The following PTBP3 variants were observed in gnomAD, a reference collection of about 807,000 sequenced individuals.
PTBP3 encodes polypyrimidine tract binding protein 3.
A neutral mutation model predicts 58.7 loss-of-function variants in PTBP3; 20 were observed. That is an observed-to-expected ratio of 0.34 (90% CI 0.24 to 0.50). The LOEUF (loss-of-function observed/expected upper bound fraction) is 0.50, where lower values mean the gene tolerates loss of function less well. Ranked by LOEUF, PTBP3 falls within the 20% of genes least tolerant of loss-of-function variation. The pLI is 0.98. For synonymous variants in PTBP3, 185 were observed against 219.8 expected, an observed-to-expected ratio of 0.84 and a Z score of 1.40; for missense variants, 509 against 637.2, an observed-to-expected ratio of 0.80 and a Z score of 2.17.
intron 1 of PTBP3, among the ~76,000 whole-genome samples, chr9:112,328,897 T>C (rs1260208662): frequency 6.7e-6 from 1 of 149,290 alleles, no homozygotes; most frequent in Non-Finnish European, 1.5e-5. Flanking sequence ...GGACCCAAAG[T>C]GGTGGAACAA....
intron 3 of PTBP3, among the ~76,000 whole-genome samples, chr9:112,270,926 G>T (rs7025917): frequency 0.85 from 129,180 of 152,116 alleles, 55,269 homozygotes; most frequent in African/African-American, 0.95. Context: ...CAAGCAATCC[G>T]CGGCTCACTG....
chr9:112,360,912 TA>T, the PTBP3 span, among the ~76,000 whole-genome samples: 1 of 152,170 alleles, frequency 6.6e-6, no homozygotes, highest in African/African-American at 2.4e-5. Context: ...TTACACACTT[TA>T]AAAAATGGAT....
intron 8 of PTBP3, 72 bp from the exon 9 acceptor site, chr9:112,232,310 A>T: frequency 7.3e-7 from 1 of 1,370,766 alleles, no homozygotes; most frequent in South Asian, 1.4e-5. Context: ...CAATTTAAGT[A>T]AATAAAGAGG....
intron 7 of PTBP3, among the ~76,000 whole-genome samples, chr9:112,244,694 A>T (rs1564401160): frequency 6.6e-6 from 1 of 152,094 alleles, no homozygotes; most frequent in African/African-American, 2.4e-5. Flanking sequence ...TAAAAAAATA[A>T]AAAAAGTCCA....
At chr9:112,298,409 A>G in intron 1 of PTBP3, 1 of 294,602 alleles carries the variant, frequency 3.4e-6, no homozygotes, top group Non-Finnish European at 6.6e-6. Context: ...AATGCAGACT[A>G]TTTCTTAAAC....
rs56052359 is a variant in PTBP3, at chr9:112,244,289, C to CAAAAAAAAAAAAAAAAAAAAA, written c.802+6639_802+6640insTTTTTTTTTTTTTTTTTTTTT. ...TGGGCAACAGAGTGAGACTCTGTCT[C>CAAAAAAAAAAAAAAAAAAAAA]AAAAAAAAAAAAAAAAAAGTTCTCA... On this transcript the variant is annotated intron_variant, in intron 7 of 13. Transcript: ENST00000374257. Among the ~76,000 whole-genome samples the CAAAAAAAAAAAAAAAAAAAAA allele has an allele frequency of 2.2e-3, 79 of 36,278 alleles. 13 individuals carry two copies. The highest frequency in any genetic ancestry group is 5.1e-3 in the East Asian group (7 of 1,376). 23.8% of individuals were successfully genotyped at this position (36,278 alleles called of 152,430 possible).
In PTBP3 at chr9:112,220,166, C is replaced by CT. The variant is rs1465138058; in HGVS notation, c.*3684dup. The CT allele has an allele frequency of 1.5e-6, 2 of 1,327,486 alleles. No individual in the cohort carries two copies. Among genetic ancestry groups the CT allele is most frequent in the Non-Finnish European group, 2.0e-6 (2 of 1,009,562 alleles). 82.2% of individuals were successfully genotyped at this position (1,327,486 alleles called of 1,614,324 possible). Reference sequence around the variant, plus strand: ...GGATAGGTGGGGAAAAACACATGTACTTTTGTCAATTTTTTGTCCAAAAAT... The same window carrying CT: ...GGATAGGTGGGGAAAAACACATGTACTTTTTGTCAATTTTTTGTCCAAAAAT... On this transcript the variant is annotated 3_prime_UTR_variant, in exon 14 of 14. Coordinates refer to ENST00000374257, the MANE Select transcript of PTBP3 (RefSeq NM_001163788.4).
intron 1 of PTBP3, among the ~76,000 whole-genome samples, chr9:112,319,076 G>A (rs903708241): frequency 2.7e-5 from 4 of 145,728 alleles, no homozygotes; most frequent in Non-Finnish European, 5.9e-5. Flanking sequence ...GCAGTGAGCC[G>A]AGATCATGCC....
chr9:112,257,940 C>CAAA (rs56934009), intron 5 of PTBP3, among the ~76,000 whole-genome samples: 14 of 119,312 alleles, frequency 1.2e-4, no homozygotes, highest in East Asian at 2.9e-4. Flanking sequence ...GACTCCATCT[C>CAAA]AAAAAAAAAA....
rs1454087039 is a variant in PTBP3 at position 112,220,030 on chromosome 9, T to C, written c.*3821A>G. The C allele has an allele frequency of 9.5e-7, 1 of 1,050,188 alleles. No individual in the cohort carries two copies. The highest frequency in any genetic ancestry group is 1.7e-5 in the African/African-American group (1 of 58,422). 65.1% of individuals were successfully genotyped at this position (1,050,188 alleles called of 1,614,324 possible). ...TAGAGTATTTTGAGTCTGGCAGTTT[T>C]GTTCTCATTAACAGATCAAGACAAA... On this transcript the variant is annotated 3_prime_UTR_variant, in exon 14 of 14. Coordinates refer to ENST00000374257, the MANE Select transcript of PTBP3 (RefSeq NM_001163788.4).
intron 5 of PTBP3, among the ~76,000 whole-genome samples, chr9:112,259,256 T>C (rs906271357): frequency 6.6e-6 from 1 of 152,084 alleles, no homozygotes; most frequent in Non-Finnish European, 1.5e-5. Context: ...CCTGGCCAGT[T>C]TATTCTTAAT....
At chr9:112,328,029 C>T (rs1284029545) in intron 1 of PTBP3, among the ~76,000 whole-genome samples, 1 of 152,182 alleles carries the variant, frequency 6.6e-6, no homozygotes, top group Non-Finnish European at 1.5e-5. Context: ...TTTTCTTTCT[C>T]TAAAACGATG....
At chr9:112,286,898 A>T (rs1348336266) in intron 2 of PTBP3, among the ~76,000 whole-genome samples, 1 of 151,362 alleles carries the variant, frequency 6.6e-6, no homozygotes, top group Non-Finnish European at 1.5e-5. Context: ...TTCCAGTTTG[A>T]TTTTTTTTTC....
chr9:112,228,551 A>C, intron 10 of PTBP3, 79 bp from the exon 11 acceptor site: 1 of 834,636 alleles, frequency 1.2e-6, no homozygotes. Context: ...ATACTTAAAG[A>C]AGGCATTTCT....
intron 1 of PTBP3, among the ~76,000 whole-genome samples, chr9:112,318,132 A>T (rs777812106): frequency 6.6e-6 from 1 of 152,204 alleles, no homozygotes; most frequent in African/African-American, 2.4e-5. Context: ...CCTACAGCTA[A>T]GAAAAACTGC....
intron 7 of PTBP3, among the ~76,000 whole-genome samples, chr9:112,243,881 T>C (rs1835761613): frequency 6.6e-6 from 1 of 152,070 alleles, no homozygotes; most frequent in Non-Finnish European, 1.5e-5. Context: ...GAAAGAGAAA[T>C]GCAGAGTAGT....
intron 7 of PTBP3, among the ~76,000 whole-genome samples, chr9:112,235,728 C>G (rs1835414522): frequency 6.6e-6 from 1 of 151,938 alleles, no homozygotes; most frequent in Non-Finnish European, 1.5e-5. Context: ...ATGTGAAAGC[C>G]ATACAAATGA....
chr9:112,290,701 T>TAC (rs1376874308), intron 2 of PTBP3, among the ~76,000 whole-genome samples: 18 of 64,842 alleles, frequency 2.8e-4, no homozygotes, highest in African/African-American at 1.8e-3. Flanking sequence ...TATATATATA[T>TAC]ATATATACAC....
the PTBP3 span, among the ~76,000 whole-genome samples, chr9:112,343,777 C>T: frequency 7.6e-6 from 1 of 130,732 alleles, no homozygotes. Context: ...GGCAACAGAG[C>T]AAGACTCTAT....
Sources: allele counts gnomAD v4.1 joint callset (sites outside exome capture counted in the v4.1 genomes callset), GRCh38; gene constraint gnomAD v4.1.1; transcripts MANE v1.5; gene names NCBI Gene and HGNC (gene_info 2026-07-23, HGNC 2026-07-21).